STAT5B: variants seen among roughly 807,000 people sequenced by gnomAD.
The protein encoded by STAT5B is signal transducer and activator of transcription 5B.
Under a neutral mutation model 107.8 loss-of-function variants are expected in STAT5B, and 21 were observed. The ratio of observed to expected loss-of-function variants is 0.19; its 90% CI spans 0.14 to 0.28. The LOEUF (loss-of-function observed/expected upper bound fraction) is 0.28. STAT5B is among the 10% of genes least tolerant of loss of function. The probability of loss-of-function intolerance (pLI) is 1.00; values close to 1 mark genes in which losing one functional copy is unlikely to be tolerated. For synonymous variants in STAT5B, 325 were observed against 401.7 expected, an observed-to-expected ratio of 0.81 and a Z score of 2.28; for missense variants, 565 against 1,008.2, an observed-to-expected ratio of 0.56 and a Z score of 5.95.
chr17:42,270,141 G>A (rs748661735), intron 1 of STAT5B, among the ~76,000 whole-genome samples: 69 of 152,274 alleles, frequency 4.5e-4, no homozygotes, highest in Non-Finnish European at 2.9e-5. Flanking sequence ...CCCAGGAGAC[G>A]GAGGTTGCAG....
chr17:42,244,190 T>C (rs112185999), intron 1 of STAT5B, among the ~76,000 whole-genome samples: 6,971 of 150,958 alleles, frequency 0.046, 503 homozygotes, highest in African/African-American at 0.16. Context: ...TGGGTTCAGG[T>C]GATCCTCCTC....
chr17:42,274,706 T>G (rs992919259), intron 1 of STAT5B, among the ~76,000 whole-genome samples: 1 of 152,100 alleles, frequency 6.6e-6, no homozygotes. Flanking sequence ...AAATACATCC[T>G]CACCTAGGAA....
chr17:42,255,461 A>C (rs1443373332), intron 1 of STAT5B, among the ~76,000 whole-genome samples: 1 of 152,222 alleles, frequency 6.6e-6, no homozygotes, highest in African/African-American at 2.4e-5. Flanking sequence ...GGCCAGGTCT[A>C]GGTACAAAGC....
chr17:42,220,177 C>A, intron 5 of STAT5B, among the ~76,000 whole-genome samples: 1 of 152,206 alleles, frequency 6.6e-6, no homozygotes, highest in Non-Finnish European at 1.5e-5. Flanking sequence ...TCCAGGCTGT[C>A]TGGGGTGTAA....
intron 2 of STAT5B, among the ~76,000 whole-genome samples, chr17:42,229,119 T>C (rs2080297638): frequency 6.6e-6 from 1 of 152,172 alleles, no homozygotes; most frequent in Non-Finnish European, 1.5e-5. Flanking sequence ...TGCACCTCTG[T>C]TTCAACTGGC....
At chr17:42,248,663 C>T (rs2080473094) in intron 1 of STAT5B, among the ~76,000 whole-genome samples, 1 of 152,224 alleles carries the variant, frequency 6.6e-6, no homozygotes, top group Admixed American at 6.5e-5. Context: ...AGGCTCCCAC[C>T]TCTTAACTAA....
chr17:42,216,852 A>G (rs1567658658), intron 11 of STAT5B, among the ~76,000 whole-genome samples: 1 of 150,646 alleles, frequency 6.6e-6, no homozygotes, highest in Admixed American at 6.6e-5. Context: ...TAATTTTTGT[A>G]CTTTTTAGTA....
In STAT5B at chr17:42,200,194, T is replaced by C. The variant is rs2080032776; in HGVS notation, c.*1544A>G. Reference sequence around the variant, plus strand: ...AGGAATATTTTTAACGGCAAAACACTGATAAATTCAGAAGTTATTTTTGTA... The same window carrying C: ...AGGAATATTTTTAACGGCAAAACACCGATAAATTCAGAAGTTATTTTTGTA... On this transcript the variant is annotated 3_prime_UTR_variant, in exon 19 of 19. Coordinates refer to ENST00000293328, the MANE Select transcript of STAT5B (RefSeq NM_012448.4). The C allele has an allele frequency of 6.5e-6, 1 of 152,736 alleles. No individual in the cohort carries two copies. Among genetic ancestry groups the C allele is most frequent in the Non-Finnish European group, 1.5e-5 (1 of 68,046 alleles). The allele number at this position is 152,736 out of a possible 1,614,324, so 9.5% of individuals were successfully genotyped here.
Position 42,258,200 on chromosome 17 carries a change from C to A in STAT5B, c.-11+18048G>T, listed in dbSNP as rs190411109. Among the ~76,000 whole-genome samples, 410 of 152,144 alleles carry A rather than the reference C, an allele frequency of 2.7e-3. 5 individuals are homozygous for A. The highest frequency in any genetic ancestry group is 1.8e-3 in the Non-Finnish European group (121 of 68,000). Reference sequence around the variant, plus strand: ...GGATGTTTCCAATGTTATAATGAACCTACTTTTGGCAACATAGTAAAATAA... The same window carrying A: ...GGATGTTTCCAATGTTATAATGAACATACTTTTGGCAACATAGTAAAATAA... On this transcript the variant is annotated intron_variant, in intron 1 of 18. Coordinates refer to ENST00000293328, the MANE Select transcript of STAT5B (RefSeq NM_012448.4).
chr17:42,235,942 T>C (rs1271315914), intron 1 of STAT5B, among the ~76,000 whole-genome samples: 1 of 152,216 alleles, frequency 6.6e-6, no homozygotes, highest in East Asian at 1.9e-4. Flanking sequence ...AGGAAAGAAA[T>C]ACTGTGGTGA....
intron 12 of STAT5B, chr17:42,214,094 G>A (rs1285353715): frequency 3.9e-6 from 2 of 515,930 alleles, no homozygotes; most frequent in Admixed American, 1.3e-4. Flanking sequence ...AGTGAGCCGA[G>A]ATAATGCCAC....
At chr17:42,244,324 C>G (rs2080432586) in intron 1 of STAT5B, among the ~76,000 whole-genome samples, 1 of 150,432 alleles carries the variant, frequency 6.6e-6, no homozygotes, top group Non-Finnish European at 1.5e-5. Context: ...CTCCTGGGCT[C>G]AAGTGATCCT....
chr17:42,283,453 A>G, the STAT5B span, among the ~76,000 whole-genome samples: 1 of 152,170 alleles, frequency 6.6e-6, no homozygotes, highest in Non-Finnish European at 1.5e-5. Context: ...ACCGGCCTAC[A>G]AGCCTCTCCC....
At chr17:42,210,148 C>A in intron 15 of STAT5B, 23 bp downstream of exon 15, 1 of 1,614,086 alleles carries the variant, frequency 6.2e-7, no homozygotes, top group South Asian at 1.1e-5. Context: ...TAACTTTGGA[C>A]ATAAGAAGGG....
In STAT5B at chr17:42,232,070, C is replaced by G. The variant is rs1187221247; in HGVS notation, c.58G>C (p.Ala20Pro). 4 of 1,613,744 alleles carry G rather than the reference C, an allele frequency of 2.5e-6. No individual in the cohort carries two copies. The highest frequency in any genetic ancestry group is 3.4e-6 in the Non-Finnish European group (4 of 1,179,956). The change falls in exon 2 of 19, where the codon GCG becomes CCG. Residue 20 changes from alanine to proline, a missense_variant. Around this residue, in one of 11 missense-constraint regions of STAT5B, gnomAD observed 83 missense variants for 145.1 expected, o/e 0.57. Coordinates refer to ENST00000293328, the MANE Select transcript of STAT5B (RefSeq NM_012448.4). ...ATGGGAAAATGCTGGCCATATAACGCTTGCATCTGATGAAGGGCTTCTCCT... is the reference window on the plus strand; with the variant it reads ...ATGGGAAAATGCTGGCCATATAACGGTTGCATCTGATGAAGGGCTTCTCCT... Reference protein sequence around the residue: ...LQGEALHQMQALYGQHFPIEV... With the variant: ...LQGEALHQMQPLYGQHFPIEV...
intron 12 of STAT5B, 85 bp from the exon 13 acceptor site, chr17:42,212,275 T>C: frequency 6.2e-7 from 1 of 1,601,286 alleles, no homozygotes; most frequent in Non-Finnish European, 8.5e-7. Context: ...CGCTGATGGC[T>C]GGGAGTGGTT....
chr17:42,227,901 TA>T (rs56817869), intron 2 of STAT5B, among the ~76,000 whole-genome samples: 46 of 150,386 alleles, frequency 3.1e-4, no homozygotes, highest in African/African-American at 5.6e-4. Context: ...TTCCTTCTTT[TA>T]AAAAAAAAAA....
At chr17:42,240,210 T>A (rs2080390992) in intron 1 of STAT5B, among the ~76,000 whole-genome samples, 1 of 152,144 alleles carries the variant, frequency 6.6e-6, no homozygotes, top group African/African-American at 2.4e-5. Context: ...AATCACCTCA[T>A]AATCGCCCCA....
At chr17:42,264,293 G>A (rs1236074948) in intron 1 of STAT5B, among the ~76,000 whole-genome samples, 2 of 151,354 alleles carry the variant, frequency 1.3e-5, no homozygotes, top group Admixed American at 1.3e-4. Flanking sequence ...TGCCATGCTG[G>A]TGTGCTGCAC....
Sources: allele counts gnomAD v4.1 joint callset (sites outside exome capture counted in the v4.1 genomes callset), GRCh38; gene constraint gnomAD v4.1.1; regional missense constraint gnomAD v4.1.1; transcripts MANE v1.5; gene names NCBI Gene and HGNC (gene_info 2026-07-23, HGNC 2026-07-21).